Variants in DOCK1 observed in about 807,000 individuals in gnomAD.
DOCK1 encodes the protein dedicator of cytokinesis 1.
A neutral mutation model predicts 262.7 loss-of-function variants in DOCK1; 138 were observed. The observed-to-expected ratio is 0.53, with a 90% CI of 0.46 to 0.61. The LOEUF is 0.61. Ranked by LOEUF, DOCK1 falls within the 20% of genes least tolerant of loss-of-function variation. DOCK1 has a pLI of 0.00. For synonymous variants in DOCK1, 866 were observed against 867.4 expected, an observed-to-expected ratio of 1.00 and a Z score of 0.03; for missense variants, 1,908 against 2,370.7, an observed-to-expected ratio of 0.80 and a Z score of 4.05.
chr10:127,232,863 A>G (rs1334417), intron 27 of DOCK1, among the ~76,000 whole-genome samples: 61,381 of 152,122 alleles, frequency 0.4, 12,609 homozygotes, highest in East Asian at 0.59. Flanking sequence ...AAAATTAGTC[A>G]TTATAGTACT....
chr10:126,995,733 G>A lies in DOCK1; in HGVS notation c.474-1015G>A, dbSNP rs1201842634. On this transcript the variant is annotated intron_variant, in intron 6 of 51. Transcript: ENST00000623213. The surrounding 1 kb of genome is among the most constrained non-coding windows in gnomAD (Gnocchi z 5.8). ...ATAGACTGGACAGATTTATTAGCCAGATGTTGCTTGTGTTTTTAGTTGGTG... is the reference window on the plus strand; with the variant it reads ...ATAGACTGGACAGATTTATTAGCCAAATGTTGCTTGTGTTTTTAGTTGGTG... Among the ~76,000 whole-genome samples, 1 of 152,236 alleles carries A rather than the reference G, an allele frequency of 6.6e-6. No individual in the cohort carries two copies.
rs1374090122 is a variant in DOCK1 at position 127,012,176 on chromosome 10, C to A, written c.1059-56C>A. ...CTTATGTTCCCTTGTTACCGTGGCC[C>A]ATGGGTCTCTGTGCCCCTTTGTCTC... On this transcript the variant is annotated intron_variant, in intron 11 of 51. Coordinates refer to ENST00000623213, the MANE Select transcript of DOCK1 (RefSeq NM_001290223.2). The surrounding 1 kb of genome is among the most constrained non-coding windows in gnomAD (Gnocchi z 4.0). The A allele has an allele frequency of 4.4e-6, 4 of 910,510 alleles. No homozygotes were observed. The African/African-American group carries it at 4.9e-5, about 11-fold the overall frequency. The allele number at this position is 910,510 out of a possible 1,614,324, so 56.4% of individuals were successfully genotyped here. A position where few individuals can be genotyped will look rare whatever the true frequency, so the allele number is the denominator to read the frequency against.
At chr10:127,206,029 C>G (rs1452251865) in intron 27 of DOCK1, among the ~76,000 whole-genome samples, 2 of 152,026 alleles carry the variant, frequency 1.3e-5, no homozygotes, top group Non-Finnish European at 2.9e-5. Context: ...TTCAGATAAC[C>G]ACTGTTTATC....
At chr10:127,312,391 A>G (rs1181083962) in intron 29 of DOCK1, among the ~76,000 whole-genome samples, 1 of 152,130 alleles carries the variant, frequency 6.6e-6, no homozygotes, top group Non-Finnish European at 1.5e-5. Flanking sequence ...GGGGGCTGCA[A>G]ACACAAGAGA....
intron 23 of DOCK1, among the ~76,000 whole-genome samples, chr10:127,072,762 C>T (rs1189589652): frequency 6.6e-6 from 1 of 152,180 alleles, no homozygotes; most frequent in Non-Finnish European, 1.5e-5. Flanking sequence ...CTCTTAGGAT[C>T]CTCCCAGCAC....
chr10:127,264,233 C>T (rs1196488763), intron 29 of DOCK1, among the ~76,000 whole-genome samples: 1 of 152,224 alleles, frequency 6.6e-6, no homozygotes, highest in East Asian at 1.9e-4. Flanking sequence ...TCCCTGCCTA[C>T]TGTACCCTCT....
intron 22 of DOCK1, among the ~76,000 whole-genome samples, chr10:127,053,659 TTATATA>T (rs2044914696): frequency 6.6e-6 from 1 of 152,240 alleles, no homozygotes; most frequent in Admixed American, 6.5e-5. Flanking sequence ...AGATGGTGAA[TTATATA>T]TATGTATATT....
At chr10:127,321,258 C>T (rs530245030) in intron 29 of DOCK1, among the ~76,000 whole-genome samples, 3 of 129,692 alleles carry the variant, frequency 2.3e-5, no homozygotes, top group African/African-American at 8.7e-5. Flanking sequence ...CTCTCTCCTC[C>T]CCTCTCCTCC....
intron 29 of DOCK1, among the ~76,000 whole-genome samples, chr10:127,311,336 G>A (rs1455144269): frequency 6.6e-6 from 1 of 152,162 alleles, no homozygotes; most frequent in Non-Finnish European, 1.5e-5. Flanking sequence ...GGGACCTGCA[G>A]AAATTCTTAC....
chr10:127,073,503 G>A (rs2046347329), intron 23 of DOCK1, among the ~76,000 whole-genome samples: 1 of 152,216 alleles, frequency 6.6e-6, no homozygotes, highest in Non-Finnish European at 1.5e-5. Context: ...CAAGTGTTAA[G>A]CATGAGTGAG....
At chr10:127,122,339 T>A (rs907577286) in intron 25 of DOCK1, among the ~76,000 whole-genome samples, 2 of 152,180 alleles carry the variant, frequency 1.3e-5, no homozygotes, top group African/African-American at 2.4e-5. Flanking sequence ...AGACTGACCT[T>A]TGGCCTTTAG....
At chr10:127,190,062 C>T (rs887926624) in intron 27 of DOCK1, among the ~76,000 whole-genome samples, 1 of 152,136 alleles carries the variant, frequency 6.6e-6, no homozygotes, top group Non-Finnish European at 1.5e-5. Flanking sequence ...GTTATAAGAA[C>T]ATTAATTTAT....
chr10:127,230,767 T>G (rs1383260022), intron 27 of DOCK1, among the ~76,000 whole-genome samples: 2 of 143,776 alleles, frequency 1.4e-5, no homozygotes, highest in Non-Finnish European at 3.2e-5. Flanking sequence ...GTTTTTTTTG[T>G]TTTTTGTTTT....
intron 6 of DOCK1, among the ~76,000 whole-genome samples, chr10:126,992,283 T>C (rs1277368836): frequency 6.6e-6 from 1 of 152,178 alleles, no homozygotes; most frequent in Non-Finnish European, 1.5e-5. Flanking sequence ...CCTGCTTAAT[T>C]TGGCTGCAGG....
At chr10:127,066,201 C>T (rs891895780) in intron 23 of DOCK1, among the ~76,000 whole-genome samples, 4 of 152,066 alleles carry the variant, frequency 2.6e-5, no homozygotes, top group Admixed American at 2.6e-4. Flanking sequence ...GCTGCTGTTC[C>T]TCCCAGGTGC....
intron 49 of DOCK1, among the ~76,000 whole-genome samples, chr10:127,439,956 T>C (rs753457951): frequency 5.9e-5 from 9 of 152,148 alleles, no homozygotes; most frequent in Non-Finnish European, 1.3e-4. Flanking sequence ...TGGGAATCTG[T>C]GTTCGTCTGT....
intron 23 of DOCK1, among the ~76,000 whole-genome samples, chr10:127,068,376 T>C (rs978322589): frequency 2.0e-5 from 3 of 152,196 alleles, no homozygotes; most frequent in African/African-American, 7.2e-5. Flanking sequence ...TCAGATGGAA[T>C]AGGATTTGCT....
At chr10:127,074,700 A>G (rs1180959573) in intron 23 of DOCK1, among the ~76,000 whole-genome samples, 1 of 152,170 alleles carries the variant, frequency 6.6e-6, no homozygotes, top group East Asian at 1.9e-4. Flanking sequence ...TAAATCACAA[A>G]TTGTCTTCTA....
chr10:126,948,206 T>TTGG (rs1267989220), intron 1 of DOCK1, among the ~76,000 whole-genome samples: 8 of 83,592 alleles, frequency 9.6e-5, no homozygotes, highest in African/African-American at 2.2e-4. Flanking sequence ...AGTATTACTG[T>TTGG]TGGTGGTGAT....
Sources: gnomAD v4.1 joint callset for allele counts (sites outside exome capture counted in the v4.1 genomes callset) on GRCh38, gnomAD v4.1.1 for gene constraint, Gnocchi (gnomAD v3.1) non-coding constraint, MANE v1.5 for transcripts, NCBI Gene and HGNC (gene_info 2026-07-23, HGNC 2026-07-21) for gene names.